Variants in CMIP observed in about 807,000 individuals in gnomAD.
CMIP encodes C-Maf-inducing protein.
CMIP carries 13 observed loss-of-function variants against 97.3 expected under a neutral mutation model. The observed-to-expected ratio is 0.13, with a 90% CI of 0.09 to 0.21. The LOEUF (loss-of-function observed/expected upper bound fraction) is 0.21, where lower values mean the gene tolerates loss of function less well. Ranked by LOEUF, CMIP falls within the 10% of genes least tolerant of loss-of-function variation. The pLI is 1.00. For synonymous variants in CMIP, 538 were observed against 436.3 expected, an observed-to-expected ratio of 1.23 and a Z score of -2.91; for missense variants, 847 against 1,024.9, an observed-to-expected ratio of 0.83 and a Z score of 2.37.
intron 1 of CMIP, among the ~76,000 whole-genome samples, chr16:81,507,313 C>A (rs778232344): frequency 9.2e-5 from 14 of 152,124 alleles, no homozygotes; most frequent in Non-Finnish European, 1.5e-4. Context: ...GGGTACCCTC[C>A]CTCTGCAGCT....
chr16:81,541,344 C>CT (rs1186388697), intron 1 of CMIP, among the ~76,000 whole-genome samples: 3 of 152,126 alleles, frequency 2.0e-5, no homozygotes, highest in Non-Finnish European at 4.4e-5. Context: ...CTCAGTGAGT[C>CT]TTTTTGGAGA....
intron 3 of CMIP, among the ~76,000 whole-genome samples, chr16:81,642,750 G>A (rs1478700147): frequency 1.3e-5 from 2 of 152,112 alleles, no homozygotes; most frequent in Non-Finnish European, 2.9e-5. Flanking sequence ...ATAAAACTTA[G>A]CCAGGCGTGG....
chr16:81,564,635 C>T (rs907577421), intron 1 of CMIP, among the ~76,000 whole-genome samples: 1 of 152,190 alleles, frequency 6.6e-6, no homozygotes, highest in African/African-American at 2.4e-5. Flanking sequence ...AGAGTGTGCT[C>T]TTGAGACAAT....
chr16:81,512,759 CAG>C (rs527753380), intron 1 of CMIP, among the ~76,000 whole-genome samples: 46 of 151,792 alleles, frequency 3.0e-4, no homozygotes, highest in African/African-American at 1.1e-3. Flanking sequence ...TTTTTTGAGA[CAG>C]AGTCTTACTC....
intron 1 of CMIP, among the ~76,000 whole-genome samples, chr16:81,539,543 G>T (rs1407993628): frequency 6.6e-6 from 1 of 152,204 alleles, no homozygotes; most frequent in African/African-American, 2.4e-5. Context: ...AACACTCCTT[G>T]TTCTGATCAG....
chr16:81,625,794 C>T (rs914218097), intron 3 of CMIP, among the ~76,000 whole-genome samples: 1 of 152,322 alleles, frequency 6.6e-6, no homozygotes, highest in Admixed American at 6.5e-5. Context: ...GCTCCTGGTG[C>T]CTCTCCACCT....
intron 3 of CMIP, among the ~76,000 whole-genome samples, chr16:81,647,580 C>T (rs1354423226): frequency 2.0e-5 from 3 of 152,118 alleles, no homozygotes; most frequent in Non-Finnish European, 4.4e-5. Context: ...GGGGTCCATG[C>T]TAGACAAACC....
chr16:81,603,030 C>G (rs901575162), intron 1 of CMIP, among the ~76,000 whole-genome samples: 2 of 152,196 alleles, frequency 1.3e-5, no homozygotes, highest in Non-Finnish European at 2.9e-5. Context: ...TGCAAGCCTC[C>G]CGTGTTCCTG....
At chr16:81,479,437 C>G (rs978397140) in intron 1 of CMIP, among the ~76,000 whole-genome samples, 2 of 152,104 alleles carry the variant, frequency 1.3e-5, no homozygotes, top group African/African-American at 4.8e-5. Context: ...AACCATCACC[C>G]CCATCCATCT....
chr16:81,459,872 T>G (rs1906798403), intron 1 of CMIP, among the ~76,000 whole-genome samples: 1 of 152,170 alleles, frequency 6.6e-6, no homozygotes, highest in Non-Finnish European at 1.5e-5. Context: ...TCTTAGGAGG[T>G]GGCCTTGTCA....
Position 81,532,798 on chromosome 16 carries a change from T to G in CMIP, c.301-74769T>G, listed in dbSNP as rs572263319. 1.2e-3 allele frequency among the ~76,000 whole-genome samples: 177 copies of G among 152,282 alleles called. No homozygotes were observed. The Middle Eastern group carries it at 0.014, about 12-fold the overall frequency. On this transcript the variant is annotated intron_variant, in intron 1 of 20. Coordinates refer to ENST00000537098, the MANE Select transcript of CMIP (RefSeq NM_198390.3). ...TCCAGTGTGCCATGCTTGGCTGATC[T>G]CTCAATGATTAACTGTGTGACCTTG...
intron 1 of CMIP, among the ~76,000 whole-genome samples, chr16:81,512,769 C>T (rs2089838109): frequency 6.6e-6 from 1 of 151,994 alleles, no homozygotes; most frequent in Non-Finnish European, 1.5e-5. Context: ...CAGAGTCTTA[C>T]TCTGTCACCC....
intron 2 of CMIP, 59 bp downstream of exon 2, chr16:81,607,751 C>T (rs2091768648): frequency 6.3e-7 from 1 of 1,575,346 alleles, no homozygotes; most frequent in Non-Finnish European, 8.7e-7. Context: ...GCACTTGTGC[C>T]CCTCGTTTCC....
intron 1 of CMIP, among the ~76,000 whole-genome samples, chr16:81,490,355 C>A (rs2089385946): frequency 6.6e-6 from 1 of 152,222 alleles, no homozygotes; most frequent in South Asian, 2.1e-4. Flanking sequence ...CGTGGTGGCT[C>A]ATGCCTGTAA....
chr16:81,545,826 C>T (rs1374799418), intron 1 of CMIP, among the ~76,000 whole-genome samples: 1 of 152,188 alleles, frequency 6.6e-6, no homozygotes, highest in Non-Finnish European at 1.5e-5. Flanking sequence ...ACAGGATTTT[C>T]CACACACAGT....
chr16:81,589,966 T>C (rs1259230331), intron 1 of CMIP, among the ~76,000 whole-genome samples: 1 of 152,134 alleles, frequency 6.6e-6, no homozygotes, highest in East Asian at 1.9e-4. Context: ...CTGAGTCCTG[T>C]GGGGGATGGA....
In CMIP at chr16:81,447,886, G is replaced by C. The variant is rs147170617; in HGVS notation, c.300+2345G>C. ...AGGTGAGGTTGGGACTGCCACCAGGGCTCTCGTCCCATCATGAGACACCTG... is the reference window on the plus strand; with the variant it reads ...AGGTGAGGTTGGGACTGCCACCAGGCCTCTCGTCCCATCATGAGACACCTG... On this transcript the variant is annotated intron_variant, in intron 1 of 20. Coordinates refer to ENST00000537098, the MANE Select transcript of CMIP (RefSeq NM_198390.3). Among the ~76,000 whole-genome samples, 189 of 152,298 alleles carry C rather than the reference G, an allele frequency of 1.2e-3. 1 individual carries two copies. The highest frequency in any genetic ancestry group is 4.3e-3 in the African/African-American group (178 of 41,572).
At chr16:81,595,411 CAG>C (rs1337362316) in intron 1 of CMIP, among the ~76,000 whole-genome samples, 1 of 141,262 alleles carries the variant, frequency 7.1e-6, no homozygotes, top group East Asian at 2.1e-4. Context: ...TTTTCTGAGA[CAG>C]AGTCTTGCTC....
chr16:81,688,304 G>A (rs774605350), intron 10 of CMIP, among the ~76,000 whole-genome samples: 2 of 152,212 alleles, frequency 1.3e-5, no homozygotes, highest in East Asian at 1.9e-4. Flanking sequence ...TGAACAGCAC[G>A]GTGCTTCCCG....
Sources: allele counts gnomAD v4.1 joint callset (sites outside exome capture counted in the v4.1 genomes callset), GRCh38; gene constraint gnomAD v4.1.1; transcripts MANE v1.5; gene names NCBI Gene and HGNC (gene_info 2026-07-23, HGNC 2026-07-21).